The following TBC1D8 variants were observed in gnomAD, a reference collection of about 807,000 sequenced individuals.
TBC1D8 encodes the protein TBC1 domain family member 8.
In TBC1D8, 65 loss-of-function variants were observed where a neutral mutation model predicts 118.8. The observed-to-expected ratio is 0.55, with a 90% CI of 0.45 to 0.67. The LOEUF (loss-of-function observed/expected upper bound fraction) is 0.67, where lower values mean the gene tolerates loss of function less well. Ranked by LOEUF, TBC1D8 falls within the 30% of genes least tolerant of loss-of-function variation. The pLI, the probability that TBC1D8 is intolerant of heterozygous loss-of-function variation, is 0.00. For missense variants in TBC1D8, 1,376 were observed against 1,471.2 expected (o/e 0.94, Z 1.06); for synonymous variants, 566 against 595.8 (o/e 0.95, Z 0.73).
chr2:101,123,376 C>T (rs1007591798), intron 1 of TBC1D8, among the ~76,000 whole-genome samples: 5 of 152,102 alleles, frequency 3.3e-5, no homozygotes, highest in East Asian at 1.9e-4. Flanking sequence ...CAGTATTCAG[C>T]GGTTGTACAT....
At chr2:101,019,132 G>T in intron 17 of TBC1D8, 1 of 1,519,512 alleles carries the variant, frequency 6.6e-7, no homozygotes. Flanking sequence ...AGCTCACCGA[G>T]GACGTCTGTC....
intron 17 of TBC1D8, chr2:101,018,134 A>G (rs1679790458): frequency 3.8e-6 from 2 of 525,366 alleles, no homozygotes; most frequent in Non-Finnish European, 6.8e-6. Context: ...CAGAATAACA[A>G]AGCTTTCCCT....
At chr2:101,080,399 G>A (rs1205901029) in intron 2 of TBC1D8, among the ~76,000 whole-genome samples, 3 of 151,958 alleles carry the variant, frequency 2.0e-5, no homozygotes, top group Admixed American at 2.0e-4. Context: ...TCGCTACCCT[G>A]GTACAAAGTT....
intron 1 of TBC1D8, among the ~76,000 whole-genome samples, chr2:101,145,353 T>C (rs1435003634): frequency 2.0e-5 from 3 of 152,250 alleles, no homozygotes; most frequent in African/African-American, 7.2e-5. Flanking sequence ...CTTCCTTTAC[T>C]TGTGGTTTCT....
intron 1 of TBC1D8, among the ~76,000 whole-genome samples, chr2:101,124,669 A>C (rs1385042256): frequency 1.3e-5 from 2 of 152,216 alleles, no homozygotes; most frequent in Non-Finnish European, 2.9e-5. Flanking sequence ...CCCTGAACTC[A>C]GGGACCAGAT....
chr2:101,028,938 T>A (rs950645814), intron 12 of TBC1D8, among the ~76,000 whole-genome samples: 4 of 152,216 alleles, frequency 2.6e-5, no homozygotes, highest in African/African-American at 2.4e-5. Flanking sequence ...ACATTTAATC[T>A]TCTTAAAGAA....
chr2:101,076,618 T>C lies in TBC1D8; in HGVS notation c.283+13591A>G, dbSNP rs13394283. Among the ~76,000 whole-genome samples, 883 of 152,280 alleles carry C rather than the reference T, an allele frequency of 5.8e-3. 10 individuals carry two copies. The highest frequency in any genetic ancestry group is 0.02 in the African/African-American group (814 of 41,548). On this transcript the variant is annotated intron_variant, in intron 2 of 19. Coordinates refer to ENST00000409318, the MANE Select transcript of TBC1D8 (RefSeq NM_001330348.2). ...GCCAGCAGGATATTCCACATAAAAA[T>C]TGGCCCAACTTCTTCAACAGGTCAG...
chr2:101,061,136 C>T (rs555804611), intron 2 of TBC1D8, among the ~76,000 whole-genome samples: 2 of 136,768 alleles, frequency 1.5e-5, no homozygotes, highest in East Asian at 2.1e-4. Flanking sequence ...TGCAGTGAGC[C>T]GAGATCACGC....
At chr2:101,135,785 G>A (rs902471908) in intron 1 of TBC1D8, among the ~76,000 whole-genome samples, 7 of 152,190 alleles carry the variant, frequency 4.6e-5, no homozygotes, top group African/African-American at 1.4e-4. Context: ...TTCTGCAGTC[G>A]TTTTTCCCTC....
At chr2:101,089,203 A>AT (rs77077608) in intron 2 of TBC1D8, among the ~76,000 whole-genome samples, 19 of 151,748 alleles carry the variant, frequency 1.3e-4, no homozygotes, top group South Asian at 2.1e-4. Flanking sequence ...ATAAAATTTA[A>AT]TTTTTTTTTA....
At chr2:101,085,165 T>G (rs1262861230) in intron 2 of TBC1D8, among the ~76,000 whole-genome samples, 3 of 152,074 alleles carry the variant, frequency 2.0e-5, no homozygotes, top group African/African-American at 7.2e-5. Flanking sequence ...TATTCACTAT[T>G]AAACTATAAC....
At chr2:101,150,325 CA>C (rs1282739573) in intron 1 of TBC1D8, among the ~76,000 whole-genome samples, 1 of 151,988 alleles carries the variant, frequency 6.6e-6, no homozygotes, top group Non-Finnish European at 1.5e-5. Flanking sequence ...ATTCCGATTC[CA>C]AAATTGGAAA....
At chr2:101,093,866 C>A (rs555823025) in intron 1 of TBC1D8, among the ~76,000 whole-genome samples, 1 of 152,080 alleles carries the variant, frequency 6.6e-6, no homozygotes, top group Admixed American at 6.5e-5. Context: ...CCTGCCACCA[C>A]GCCTAGCTAA....
At chr2:101,017,198 C>T (rs1237455795) in intron 17 of TBC1D8, among the ~76,000 whole-genome samples, 1 of 152,066 alleles carries the variant, frequency 6.6e-6, no homozygotes, top group Non-Finnish European at 1.5e-5. Context: ...GGCAATAACA[C>T]ACACAAAGCT....
intron 1 of TBC1D8, among the ~76,000 whole-genome samples, chr2:101,109,127 C>T (rs1322284077): frequency 1.3e-5 from 2 of 152,084 alleles, no homozygotes; most frequent in Admixed American, 6.5e-5. Context: ...GCTAACTGCC[C>T]CCATAGGAAA....
At chr2:101,101,001 C>T (rs753130295) in intron 1 of TBC1D8, among the ~76,000 whole-genome samples, 13 of 152,112 alleles carry the variant, frequency 8.5e-5, no homozygotes, top group Middle Eastern at 3.2e-3. Flanking sequence ...GACTTCATGA[C>T]TAAAACACCA....
At chr2:101,125,119 A>G (rs982819179) in intron 1 of TBC1D8, among the ~76,000 whole-genome samples, 4 of 152,214 alleles carry the variant, frequency 2.6e-5, no homozygotes, top group Admixed American at 2.6e-4. Flanking sequence ...ACAATCAAGC[A>G]GCCTCCGGCC....
chr2:101,052,022 A>G (rs185855606), intron 4 of TBC1D8, among the ~76,000 whole-genome samples: 21 of 152,364 alleles, frequency 1.4e-4, no homozygotes, highest in Admixed American at 1.3e-3. Context: ...TGAAATACCA[A>G]GTTAACAACA....
chr2:101,104,497 T>G (rs1428776118), intron 1 of TBC1D8, among the ~76,000 whole-genome samples: 1 of 152,220 alleles, frequency 6.6e-6, no homozygotes, highest in Non-Finnish European at 1.5e-5. Flanking sequence ...AGTGTGGTGG[T>G]ACTGGTAATA....
Sources: gnomAD v4.1 joint callset for allele counts (sites outside exome capture counted in the v4.1 genomes callset) on GRCh38, gnomAD v4.1.1 for gene constraint, MANE v1.5 for transcripts, NCBI Gene and HGNC (gene_info 2026-07-23, HGNC 2026-07-21) for gene names.